Variants in ST7 observed in about 807,000 individuals in gnomAD.
ST7 encodes the protein suppression of tumorigenicity 7.
ST7 carries 28 observed loss-of-function variants against 78.7 expected under a neutral mutation model. That is an observed-to-expected ratio of 0.36 (90% CI 0.26 to 0.49). ST7 has a LOEUF of 0.49. Ranked by LOEUF, ST7 falls within the 20% of genes least tolerant of loss-of-function variation. The pLI is 0.99. For synonymous variants in ST7, 247 were observed against 249.6 expected (o/e 0.99, Z 0.10); for missense variants, 418 against 696.0 (o/e 0.60, Z 4.49).
chr7:117,024,084 G>T (rs1796070349), intron 1 of ST7, among the ~76,000 whole-genome samples: 1 of 152,064 alleles, frequency 6.6e-6, no homozygotes, highest in South Asian at 2.1e-4. Flanking sequence ...AAAGTGCTGG[G>T]ATTATAGGTG....
intron 1 of ST7, among the ~76,000 whole-genome samples, chr7:117,032,517 G>T (rs564693589): frequency 5.9e-5 from 9 of 152,082 alleles, no homozygotes; most frequent in Non-Finnish European, 1.3e-4. Context: ...CAAGAGATCT[G>T]AAACCAGACT....
Position 117,131,794 on chromosome 7 carries a change from G to A in ST7, c.566-91G>A, listed in dbSNP as rs1804379781. The A allele has an allele frequency of 8.8e-6, 10 of 1,140,982 alleles. No individual in the cohort carries two copies. The South Asian group carries it at 1.3e-4, about 15-fold the overall frequency. 70.7% of individuals were successfully genotyped at this position (1,140,982 alleles called of 1,614,324 possible). The stretch of plus-strand genomic sequence containing the variant: ...AATGAAATATGTTCTTGTAATTTAA[G>A]CTGACACTCCTAATTTAGCTCTTGT... On this transcript the variant is annotated intron_variant, in intron 5 of 15. Transcript: ENST00000323984.
chr7:117,135,761 C>T (rs2117049188), intron 7 of ST7, among the ~76,000 whole-genome samples: 1 of 152,192 alleles, frequency 6.6e-6, no homozygotes, highest in South Asian at 2.1e-4. Context: ...TTCACAACAA[C>T]ACTGTGAACA....
chr7:117,152,334 G>A (rs1806360365), intron 9 of ST7, among the ~76,000 whole-genome samples: 1 of 150,788 alleles, frequency 6.6e-6, no homozygotes, highest in South Asian at 2.1e-4. Context: ...CAGCCCAGCT[G>A]CTCTGAAGTC....
At chr7:117,025,334 G>T (rs866673679) in intron 1 of ST7, among the ~76,000 whole-genome samples, 4 of 152,108 alleles carry the variant, frequency 2.6e-5, no homozygotes, top group Admixed American at 6.5e-5. Flanking sequence ...AGAGACTGCT[G>T]TTTTTGCTGT....
intron 1 of ST7, chr7:116,967,282 C>G (rs180912795): frequency 4.8e-4 from 224 of 471,122 alleles, no homozygotes; most frequent in African/African-American, 4.2e-3. Context: ...TTTGGTAGGG[C>G]TCACATACCC....
At chr7:116,996,695 T>C (rs1396081765) in intron 1 of ST7, among the ~76,000 whole-genome samples, 3 of 152,190 alleles carry the variant, frequency 2.0e-5, no homozygotes, top group Admixed American at 6.5e-5. Flanking sequence ...TTTAAATATT[T>C]TAGTGTTTCC....
At position 117,229,856 on chromosome 7, in the gene ST7, G is replaced by A; in HGVS notation, c.1733G>A (p.Ter578=). 3 of 1,613,840 alleles carry A rather than the reference G, an allele frequency of 1.9e-6. No homozygotes were observed. The highest frequency in any genetic ancestry group is 3.3e-5 in the Admixed American group (2 of 60,024). The part of the protein sequence containing the change: ...SSLWHQLTRI[*] ...CTGTGGCACCAGCTAACACGGATCTGAGAGAAGCCCTGTCCTCCACTCACC... is the reference window on the plus strand; with the variant it reads ...CTGTGGCACCAGCTAACACGGATCTAAGAGAAGCCCTGTCCTCCACTCACC... The change falls in exon 16 of 16, where the codon TGA becomes TAA. Residue 578 remains the stop codon, a stop_retained_variant. Transcript: ENST00000323984.
intron 2 of ST7, among the ~76,000 whole-genome samples, chr7:117,100,355 G>T (rs1801477302): frequency 6.6e-6 from 1 of 152,030 alleles, no homozygotes; most frequent in Non-Finnish European, 1.5e-5. Context: ...CATACCTGTA[G>T]TCCCAGCTAT....
intron 1 of ST7, among the ~76,000 whole-genome samples, chr7:117,022,337 A>G (rs1048410167): frequency 1.3e-5 from 2 of 152,216 alleles, no homozygotes; most frequent in Non-Finnish European, 2.9e-5. Context: ...TCGTACTGTC[A>G]GTGGATATCG....
At chr7:116,956,028 G>C (rs1792458932) in intron 1 of ST7, among the ~76,000 whole-genome samples, 1 of 152,198 alleles carries the variant, frequency 6.6e-6, no homozygotes, top group Non-Finnish European at 1.5e-5. Context: ...CTGTTTTTAT[G>C]AGAGGGTAGC....
chr7:117,072,368 GAA>G (rs1300498217), intron 1 of ST7: 2 of 151,780 alleles, frequency 1.3e-5, no homozygotes, highest in Admixed American at 6.6e-5. Context: ...TAGACTGATG[GAA>G]AAAAACAAAC....
chr7:117,171,637 A>G (rs1425961997), intron 10 of ST7, among the ~76,000 whole-genome samples: 1 of 151,520 alleles, frequency 6.6e-6, no homozygotes, highest in African/African-American at 2.4e-5. Flanking sequence ...TTAAAACTCT[A>G]ATGCTCATAT....
At chr7:117,141,807 C>T (rs1346609676) in intron 9 of ST7, among the ~76,000 whole-genome samples, 1 of 152,058 alleles carries the variant, frequency 6.6e-6, no homozygotes, top group Non-Finnish European at 1.5e-5. Flanking sequence ...AGAGCTGGGA[C>T]TGCAGGCGCA....
intron 2 of ST7, among the ~76,000 whole-genome samples, chr7:117,104,630 G>C (rs913581037): frequency 6.6e-6 from 1 of 152,180 alleles, no homozygotes; most frequent in African/African-American, 2.4e-5. Context: ...ATATCCAAAA[G>C]AAAGGAAATC....
intron 2 of ST7, chr7:117,117,880 G>A (rs899841621): frequency 6.6e-6 from 1 of 152,122 alleles, no homozygotes; most frequent in Admixed American, 6.5e-5. Flanking sequence ...TGAAGAAACC[G>A]ACGTTCAGAT....
intron 9 of ST7, among the ~76,000 whole-genome samples, chr7:117,151,157 CT>C (rs1563123588): frequency 6.6e-6 from 1 of 152,326 alleles, no homozygotes; most frequent in South Asian, 2.1e-4. Context: ...ACTCAAACTA[CT>C]TTTTTAAAAC....
At chr7:117,117,994 C>T (rs1358864691) in intron 2 of ST7, 1 of 152,134 alleles carries the variant, frequency 6.6e-6, no homozygotes, top group Non-Finnish European at 1.5e-5. Flanking sequence ...CTAGTCATTC[C>T]AAATGTTACA....
At chr7:117,154,054 C>T (rs939226325) in intron 9 of ST7, among the ~76,000 whole-genome samples, 2 of 152,114 alleles carry the variant, frequency 1.3e-5, no homozygotes, top group African/African-American at 4.8e-5. Flanking sequence ...GGAGGATTAA[C>T]TAAAGGAGTA....
Sources: gnomAD v4.1 joint callset for allele counts (sites outside exome capture counted in the v4.1 genomes callset) on GRCh38, gnomAD v4.1.1 for gene constraint, MANE v1.5 for transcripts, NCBI Gene and HGNC (gene_info 2026-07-23, HGNC 2026-07-21) for gene names.